Variants in COL25A1 observed in about 807,000 individuals in gnomAD.
COL25A1 encodes collagen alpha-1(XXV) chain.
In COL25A1, 103 loss-of-function variants were observed where a neutral mutation model predicts 128.4. The ratio of observed to expected loss-of-function variants is 0.80; its 90% CI spans 0.68 to 0.94. The LOEUF is 0.94. COL25A1 is among the 40% of genes least tolerant of loss of function. COL25A1 has a pLI of 0.00. For synonymous variants in COL25A1, 279 were observed against 277.2 expected (o/e 1.01, Z -0.06); for missense variants, 745 against 840.0 (o/e 0.89, Z 1.40).
At chr4:108,887,340 T>C (rs6833552) in intron 18 of COL25A1, among the ~76,000 whole-genome samples, 1 of 152,140 alleles carries the variant, frequency 6.6e-6, no homozygotes, top group Non-Finnish European at 1.5e-5. Context: ...CCGTGGAAGA[T>C]CTCTTGAAGC....
At chr4:109,041,597 A>C (rs1455658997) in intron 5 of COL25A1, among the ~76,000 whole-genome samples, 1 of 152,024 alleles carries the variant, frequency 6.6e-6, no homozygotes, top group Admixed American at 6.6e-5. Flanking sequence ...CTCTTCACCA[A>C]ATTTGTTTAC....
At chr4:108,835,934 C>T (rs552927502) in intron 31 of COL25A1, among the ~76,000 whole-genome samples, 2 of 129,676 alleles carry the variant, frequency 1.5e-5, no homozygotes, top group African/African-American at 3.1e-5. Flanking sequence ...TGCAGTGGCG[C>T]GATCTCAGTT....
chr4:109,190,456 G>C (rs911285602), intron 3 of COL25A1, among the ~76,000 whole-genome samples: 3 of 152,132 alleles, frequency 2.0e-5, no homozygotes, highest in Non-Finnish European at 4.4e-5. Context: ...AGACAAATAG[G>C]TGGCAAACAT....
intron 6 of COL25A1, among the ~76,000 whole-genome samples, chr4:108,992,448 TAA>T (rs1278575970): frequency 6.6e-6 from 1 of 152,206 alleles, no homozygotes; most frequent in African/African-American, 2.4e-5. Context: ...ACAATTTGTA[TAA>T]AAGTCTTTAT....
chr4:108,952,454 A>G (rs542021477), intron 8 of COL25A1, among the ~76,000 whole-genome samples: 3 of 152,316 alleles, frequency 2.0e-5, no homozygotes, highest in Admixed American at 2.0e-4. Context: ...AAAATGGTGT[A>G]AAAGTGGGCT....
Position 109,197,422 on chromosome 4 carries a change from T to A in COL25A1, c.367+103161A>T, listed in dbSNP as rs1230736513. Among the ~76,000 whole-genome samples, 198 of 125,748 alleles carry A rather than the reference T, an allele frequency of 1.6e-3. 2 individuals carry two copies. Among genetic ancestry groups the A allele is most frequent in the African/African-American group, 5.3e-3 (177 of 33,354 alleles). The allele number at this position is 125,748 out of a possible 152,430, so 82.5% of individuals were successfully genotyped here. On this transcript the variant is annotated intron_variant, in intron 3 of 37. Coordinates refer to ENST00000399132, the MANE Select transcript of COL25A1 (RefSeq NM_198721.4). ...TATATATAAAATATATATTATATAT[T>A]ATATATAAATATTATATATTATATA... is the stretch of plus-strand genomic sequence containing the variant.
intron 3 of COL25A1, among the ~76,000 whole-genome samples, chr4:109,103,378 C>CT (rs1374942971): frequency 6.6e-6 from 1 of 152,102 alleles, no homozygotes; most frequent in Non-Finnish European, 1.5e-5. Context: ...TTACTAAATA[C>CT]TTTTGTTTTT....
At chr4:108,957,126 C>A (rs1474473024) in intron 8 of COL25A1, among the ~76,000 whole-genome samples, 1 of 152,132 alleles carries the variant, frequency 6.6e-6, no homozygotes, top group Admixed American at 6.5e-5. Flanking sequence ...TTATCCCAAA[C>A]ACATTTATCC....
chr4:108,873,634 A>T lies in COL25A1; in HGVS notation c.1021-4484T>A, dbSNP rs116326319. On this transcript the variant is annotated intron_variant, in intron 19 of 37. Coordinates refer to ENST00000399132, the MANE Select transcript of COL25A1 (RefSeq NM_198721.4). Reference sequence around the variant, plus strand: ...CTCTGCAACCTAATTGGTAATATACAAAGTGTCTTCTTGTCACCTTTTAAC... The same window carrying T: ...CTCTGCAACCTAATTGGTAATATACTAAGTGTCTTCTTGTCACCTTTTAAC... Among the ~76,000 whole-genome samples, 216 of 152,044 alleles carry T rather than the reference A, an allele frequency of 1.4e-3. 2 individuals are homozygous for T. Among genetic ancestry groups the T allele is most frequent in the African/African-American group, 5.0e-3 (208 of 41,518 alleles).
In COL25A1 at chr4:108,824,247, C is replaced by A; in HGVS notation, c.1792-20G>T. The A allele has an allele frequency of 1.9e-6, 3 of 1,558,742 alleles. No individual in the cohort carries two copies. The highest frequency in any genetic ancestry group is 2.3e-5 in the South Asian group (2 of 86,946). ...GAAGCCCTGTAAGATAAAAAGCAAA[C>A]CAAAAAGATCTATTGGTGTAATAGT... On this transcript the variant is annotated intron_variant, in intron 34 of 37. Transcript: ENST00000399132.
intron 5 of COL25A1, among the ~76,000 whole-genome samples, chr4:109,035,950 C>T (rs1560576592): frequency 6.6e-6 from 1 of 151,846 alleles, no homozygotes; most frequent in African/African-American, 2.4e-5. Flanking sequence ...GTTTCTGAGA[C>T]AGAGTCTCAC....
At chr4:109,014,280 C>T (rs1245989499) in intron 5 of COL25A1, among the ~76,000 whole-genome samples, 2 of 150,542 alleles carry the variant, frequency 1.3e-5, no homozygotes, top group African/African-American at 2.5e-5. Flanking sequence ...GTACTCTAGC[C>T]TCAGTTATAG....
rs1264971696 is a variant in COL25A1, at chr4:108,990,225, AAAAAAAAAAAAAAAAT to A, written c.439-15682_439-15667del. ...AAAACTCCATCTCAAAAAAAAAAAAAAAAAAAAAAAAAAAATATATATATATATATATATATATATA... is the reference window on the plus strand; with the variant it reads ...AAAACTCCATCTCAAAAAAAAAAAAAATATATATATATATATATATATATA... On this transcript the variant is annotated intron_variant, in intron 6 of 37. Coordinates refer to ENST00000399132, the MANE Select transcript of COL25A1 (RefSeq NM_198721.4). Among the ~76,000 whole-genome samples, 295 of 68,908 alleles carry A rather than the reference AAAAAAAAAAAAAAAAT, an allele frequency of 4.3e-3. 1 individual carries two copies. The East Asian group carries it at 0.046, about 11-fold the overall frequency. The allele number at this position is 68,908 out of a possible 152,430, so 45.2% of individuals were successfully genotyped here. A position where few individuals can be genotyped will look rare whatever the true frequency, so the allele number is the denominator to read the frequency against.
At chr4:109,224,872 G>A (rs144631455) in intron 3 of COL25A1, among the ~76,000 whole-genome samples, 13,139 of 152,118 alleles carry the variant, frequency 0.086, 1,168 homozygotes, top group African/African-American at 0.23. Flanking sequence ...CCCGGGAGGC[G>A]GAGGTTGCTG....
At chr4:109,238,222 T>C (rs1381267129) in intron 3 of COL25A1, among the ~76,000 whole-genome samples, 1 of 152,058 alleles carries the variant, frequency 6.6e-6, no homozygotes, top group Non-Finnish European at 1.5e-5. Flanking sequence ...TTTTTAATAT[T>C]TTGGTACACT....
At chr4:109,117,999 GA>G (rs1220655283) in intron 3 of COL25A1, among the ~76,000 whole-genome samples, 12 of 151,380 alleles carry the variant, frequency 7.9e-5, no homozygotes, top group Admixed American at 2.0e-4. Context: ...CAAAAAGGCA[GA>G]AAAAAATGTA....
At position 108,993,699 on chromosome 4, in the gene COL25A1, A is replaced by C. The variant is rs1417689526; in HGVS notation, c.438+16659T>G. On this transcript the variant is annotated intron_variant, in intron 6 of 37. Coordinates refer to ENST00000399132, the MANE Select transcript of COL25A1 (RefSeq NM_198721.4). ...ACATCATGAAACCCCATCTCTACTAAAAATACAAAAATTAGCTGGGCGTGG... is the reference window on the plus strand; with the variant it reads ...ACATCATGAAACCCCATCTCTACTACAAATACAAAAATTAGCTGGGCGTGG... Among the ~76,000 whole-genome samples, 10 of 152,000 alleles carry C rather than the reference A, an allele frequency of 6.6e-5. No homozygotes were observed. In the East Asian group the frequency reaches 1.9e-3, roughly 29 times the overall value.
At chr4:109,207,026 T>C (rs1023267575) in intron 3 of COL25A1, among the ~76,000 whole-genome samples, 1 of 152,178 alleles carries the variant, frequency 6.6e-6, no homozygotes, top group Non-Finnish European at 1.5e-5. Flanking sequence ...TTTATGGTTG[T>C]AAATTAAAAA....
At chr4:108,912,034 T>C (rs1287794025) in intron 13 of COL25A1, among the ~76,000 whole-genome samples, 1 of 152,126 alleles carries the variant, frequency 6.6e-6, no homozygotes, top group Non-Finnish European at 1.5e-5. Flanking sequence ...AGGAAAAAAC[T>C]TCCTTCAACT....
Sources: gnomAD v4.1 joint callset for allele counts (sites outside exome capture counted in the v4.1 genomes callset) on GRCh38, gnomAD v4.1.1 for gene constraint, MANE v1.5 for transcripts, NCBI Gene and HGNC (gene_info 2026-07-23, HGNC 2026-07-21) for gene names.